The following UBN2 variants were observed in gnomAD, a reference collection of about 807,000 sequenced individuals.
UBN2 encodes the protein ubinuclein 2.
Under a neutral mutation model 120.2 loss-of-function variants are expected in UBN2, and 35 were observed. The ratio of observed to expected loss-of-function variants is 0.29; its 90% confidence interval spans 0.22 to 0.39. UBN2 has a LOEUF of 0.39. UBN2 is among the 10% of genes least tolerant of loss of function. UBN2 has a pLI of 1.00. For synonymous variants in UBN2, 661 were observed against 648.7 expected (o/e 1.02, Z -0.29); for missense variants, 1,693 against 1,663.2 (o/e 1.02, Z -0.31).
chr7:139,323,653 G>A, the UBN2 span, among the ~76,000 whole-genome samples: 14 of 150,910 alleles, frequency 9.3e-5, no homozygotes, highest in Non-Finnish European at 1.3e-4. Flanking sequence ...TCAGTGGCGC[G>A]ATCTTGGCTC....
rs1185694053 is a variant in UBN2 at position 139,231,659 on chromosome 7, C to G, written c.175C>G (p.Pro59Ala). ...GCCGCCGGCCCCGCGGGAGCCTGCC[C>G]CCCGCTCGGACGCGCAGCCCCCGTC... is the stretch of plus-strand genomic sequence containing the variant. The part of the protein sequence containing the change: ...AEPPAPREPA[P>A]RSDAQPPSRE... Residue 59 changes from proline to alanine, a missense_variant, in exon 1 of 18, where the codon CCC (proline) becomes GCC (alanine). By Grantham distance (27) the Pro-to-Ala change is conservative (BLOSUM62 -1). Transcript: ENST00000473989. 8.3e-7 allele frequency: 1 copy of G among 1,200,400 alleles called. No homozygotes were observed. Among genetic ancestry groups the G allele is most frequent in the African/African-American group, 1.6e-5 (1 of 62,460 alleles). The allele number at this position is 1,200,400 out of a possible 1,614,324, so 74.4% of individuals were successfully genotyped here. A position where few individuals can be genotyped will look rare whatever the true frequency, so the allele number is the denominator to read the frequency against.
rs759383234 is a variant in UBN2, at chr7:139,293,940, C to G, written c.3953C>G (p.Ser1318Cys). 6.2e-7 allele frequency: 1 copy of G among 1,614,122 alleles called. No individual in the cohort carries two copies. The highest frequency in any genetic ancestry group is 2.2e-5 in the East Asian group (1 of 44,878). Residue 1318 changes from serine to cysteine, a missense_variant, in exon 17 of 18, where the codon TCC becomes TGC. Ser to Cys is a moderately radical substitution (Grantham distance 112). This residue lies in a region of UBN2 where 837 missense variants were observed against 817.6 expected (regional missense o/e 1.02). Coordinates refer to ENST00000473989, the MANE Select transcript of UBN2 (RefSeq NM_173569.4). ...GGAGCTCAGCATGCAGCAACGCTTT[C>G]CCACTCACCTCTGCCTGCACACTTA... ...PGGAQHAATL[S>C]HSPLPAHLQQ...
chr7:139,292,252 CAAAAA>C (rs895537330), intron 15 of UBN2, among the ~76,000 whole-genome samples: 1 of 150,718 alleles, frequency 6.6e-6, no homozygotes, highest in East Asian at 1.9e-4. Context: ...GACCCTGTCT[CAAAAA>C]AAAGGGGGCG....
At chr7:139,312,497 C>G (rs1488642733), downstream of UBN2, among the ~76,000 whole-genome samples, 1 of 152,186 alleles carries the variant, frequency 6.6e-6, no homozygotes, top group African/African-American at 2.4e-5. Context: ...AGTTAGTCTT[C>G]CCTTCTGTCA....
In UBN2 at chr7:139,283,949, C is replaced by T. The variant is rs770152122; in HGVS notation, c.3044C>T (p.Ala1015Val). The T allele has an allele frequency of 6.2e-7, 1 of 1,613,870 alleles. No individual in the cohort carries two copies. Among genetic ancestry groups the T allele is most frequent in the South Asian group, 1.1e-5 (1 of 91,056 alleles). ...ACCACTACCTCCAGTAACTATTTAG[C>T]CAAGGCTATGGTGTCACAGATCTCC... ...PSTTTSSNYL[A>V]KAMVSQISTQ... The change falls in exon 15 of 18, where the codon GCC becomes GTC. Residue 1015 changes from alanine (A) to valine (V), a missense_variant. Transcript: ENST00000473989.
chr7:139,266,377 A>C lies in UBN2; in HGVS notation c.1440A>C (p.Thr480=), dbSNP rs1038706642. The C allele has an allele frequency of 3.4e-5, 53 of 1,574,076 alleles. No individual in the cohort carries two copies. Among genetic ancestry groups the C allele is most frequent in the Non-Finnish European group, 4.6e-5 (53 of 1,152,326 alleles). The change falls in exon 7 of 18, where the codon ACA becomes ACC. Residue 480 remains threonine (T), a synonymous_variant. Coordinates refer to ENST00000473989, the MANE Select transcript of UBN2 (RefSeq NM_173569.4). ...FDEEGRKKFF[T]QDMNNILLDI... The stretch of plus-strand genomic sequence containing the variant: ...AAGAAGGAAGGAAAAAATTCTTTAC[A>C]CAGGATATGAATAATATTCTTCTGG...
chr7:139,322,329 T>C, the UBN2 span, among the ~76,000 whole-genome samples: 59 of 152,316 alleles, frequency 3.9e-4, no homozygotes, highest in Middle Eastern at 3.4e-3. Flanking sequence ...TTAACCTGTT[T>C]GTTACCCAAA....
chr7:139,240,454 A>ATATATATATATTT (rs371717591), intron 2 of UBN2, among the ~76,000 whole-genome samples: 1 of 123,106 alleles, frequency 8.1e-6, no homozygotes, highest in Non-Finnish European at 1.6e-5. Flanking sequence ...ATATATATAT[A>ATATATATATATTT]TTTTTTTTTT....
In UBN2 at chr7:139,301,291, GT is replaced by G. The variant is rs771672224; in HGVS notation, c.*3458del. On this transcript the variant is annotated 3_prime_UTR_variant, in exon 18 of 18. Transcript: ENST00000473989. ...TTTTTTCCCAAAGCAGATCTAAATT[GT>G]TTACTACCCAGGGTTGGAAAGGGCA... is the stretch of plus-strand genomic sequence containing the variant. 1.3e-5 allele frequency: 2 copies of G among 152,086 alleles called. No homozygotes were observed. Among genetic ancestry groups the G allele is most frequent in the African/African-American group, 2.4e-5 (1 of 41,404 alleles). 9.4% of individuals were successfully genotyped at this position (152,086 alleles called of 1,614,324 possible).
rs1247076848 is a variant in UBN2 at position 139,282,185 on chromosome 7, A to T, written c.2118+130A>T. 10 of 627,986 alleles carry T rather than the reference A, an allele frequency of 1.6e-5. No individual in the cohort carries two copies. The Admixed American group carries it at 2.7e-4, about 17-fold the overall frequency. The allele number at this position is 627,986 out of a possible 1,614,324, so 38.9% of individuals were successfully genotyped here. A position where few individuals can be genotyped will look rare whatever the true frequency, so the allele number is the denominator to read the frequency against. ...ATAGGCTTTTGCTTCTCAGTCTTAAAAATAAAATGAGTCAAATACTTTTAT... is the reference window on the plus strand; with the variant it reads ...ATAGGCTTTTGCTTCTCAGTCTTAATAATAAAATGAGTCAAATACTTTTAT... On this transcript the variant is annotated intron_variant, in intron 14 of 17. Coordinates refer to ENST00000473989, the MANE Select transcript of UBN2 (RefSeq NM_173569.4).
At chr7:139,272,557 C>CA (rs2131009927) in intron 9 of UBN2, 117 bp downstream of exon 9, 1 of 722,514 alleles carries the variant, frequency 1.4e-6, no homozygotes, top group South Asian at 2.2e-5. Flanking sequence ...GACGGAATCT[C>CA]AGTCTGTTGC....
downstream of UBN2, among the ~76,000 whole-genome samples, chr7:139,309,862 A>C (rs1277966399): frequency 6.6e-6 from 1 of 152,172 alleles, no homozygotes; most frequent in African/African-American, 2.4e-5. Context: ...TTGTAAGTGT[A>C]AATACATATG....
rs1798160287 is a variant in UBN2, at chr7:139,298,062, A to G, written c.*226A>G. On this transcript the variant is annotated 3_prime_UTR_variant, in exon 18 of 18. Transcript: ENST00000473989. ...AAGTTAGTGACCTTTGGTCTCTTCT[A>G]AAGAATGACAGAGTTACCGTATTAA... 5 of 500,372 alleles carry G rather than the reference A, an allele frequency of 1.0e-5. 1 individual carries two copies. The highest frequency in any genetic ancestry group is 6.1e-5 in the South Asian group (2 of 32,622). 31.0% of individuals were successfully genotyped at this position (500,372 alleles called of 1,614,324 possible). A position where few individuals can be genotyped will look rare whatever the true frequency, so the allele number is the denominator to read the frequency against.
chr7:139,231,813 G>A lies in UBN2; in HGVS notation c.329G>A (p.Arg110Gln), dbSNP rs767618748. 12 of 1,452,050 alleles carry A rather than the reference G, an allele frequency of 8.3e-6. No homozygotes were observed. The African/African-American group carries it at 1.0e-4, about 12-fold the overall frequency. 89.9% of individuals were successfully genotyped at this position (1,452,050 alleles called of 1,614,324 possible). A position where few individuals can be genotyped will look rare whatever the true frequency, so the allele number is the denominator to read the frequency against. Residue 110 changes from arginine (R) to glutamine (Q), a missense_variant, in exon 1 of 18, where the codon CGG becomes CAG. Arg to Gln is a conservative substitution (Grantham distance 43, BLOSUM62 1). Around this residue, in one of 5 missense-constraint regions of UBN2, gnomAD observed 663 missense variants for 591.2 expected, o/e 1.12. Transcript: ENST00000473989. ...CTGCCCTTGCAGCCGCCCCCGCCGC[G>A]GGAGTCGGCTTCCCGGGCTGAGCAG... ...PPLPLQPPPP[R>Q]ESASRAEQPP...
At position 139,293,976 on chromosome 7, in the gene UBN2, T is replaced by C; in HGVS notation, c.3989T>C (p.Phe1330Ser). Reference protein sequence around the residue: ...SPLPAHLQQAFHDGGQSKGDT... With the variant: ...SPLPAHLQQASHDGGQSKGDT... ...CTGCCTGCACACTTACAGCAAGCAT[T>C]TCACGGTGAGAACGCCACCTCCTTC... The change falls in exon 17 of 18, where the codon TTT (phenylalanine) becomes TCT (serine). Residue 1330 changes from phenylalanine (F) to serine (S), a missense_variant. This residue lies in a region of UBN2 where 837 missense variants were observed against 817.6 expected (regional missense o/e 1.02). Transcript: ENST00000473989. 1 of 1,614,112 alleles carries C rather than the reference T, an allele frequency of 6.2e-7. No homozygotes were observed. Among genetic ancestry groups the C allele is most frequent in the African/African-American group, 1.3e-5 (1 of 75,038 alleles).
chr7:139,280,963 A>G (rs888987075), intron 13 of UBN2, among the ~76,000 whole-genome samples: 1 of 152,154 alleles, frequency 6.6e-6, no homozygotes, highest in Non-Finnish European at 1.5e-5. Flanking sequence ...CTTTTTCTTA[A>G]TAGCCTACTT....
At chr7:139,309,434 C>A (rs931377800), downstream of UBN2, among the ~76,000 whole-genome samples, 4 of 152,120 alleles carry the variant, frequency 2.6e-5, no homozygotes, top group Admixed American at 2.6e-4. Flanking sequence ...CAGCAGTACT[C>A]CTCAAGATGA....
intron 14 of UBN2, 143 bp from the exon 15 acceptor site, chr7:139,282,881 A>C (rs1797656867): frequency 1.3e-6 from 1 of 769,062 alleles, no homozygotes; most frequent in East Asian, 2.8e-5. Flanking sequence ...CATCTCAAAA[A>C]TTATTTTTGT....
chr7:139,274,142 C>T (rs1797370824), intron 11 of UBN2, 68 bp downstream of exon 11: 15 of 1,414,202 alleles, frequency 1.1e-5, no homozygotes, highest in Non-Finnish European at 1.1e-5. Context: ...GATATACATA[C>T]ACATACACAT....
Sources: allele counts gnomAD v4.1 joint callset (sites outside exome capture counted in the v4.1 genomes callset), GRCh38; gene constraint gnomAD v4.1.1; regional missense constraint gnomAD v4.1.1; transcripts MANE v1.5; gene names NCBI Gene and HGNC (gene_info 2026-07-23, HGNC 2026-07-21).